CC2D2A: variants seen among roughly 807,000 people sequenced by gnomAD.
CC2D2A encodes the protein coiled-coil and C2 domain containing 2A.
A neutral mutation model predicts 212.9 loss-of-function variants in CC2D2A; 155 were observed. The observed-to-expected ratio is 0.73, with a 90% CI of 0.64 to 0.83. The LOEUF (loss-of-function observed/expected upper bound fraction) is 0.83. Among genes scored for constraint, CC2D2A ranks in the 40% least tolerant of loss-of-function variants. CC2D2A has a pLI of 0.00. For missense variants in CC2D2A, 1,856 were observed against 1,956.2 expected (o/e 0.95, Z 0.97); for synonymous variants, 667 against 686.5 (o/e 0.97, Z 0.44).
At chr4:15,510,108 G>T in intron 6 of CC2D2A, 31 bp from the exon 7 acceptor site, 1 of 1,536,264 alleles carries the variant, frequency 6.5e-7, no homozygotes, top group Middle Eastern at 1.7e-4. Context: ...GGGTTAAATG[G>T]TTTATCTATC....
At chr4:15,475,644 T>C (rs1577305186) in intron 1 of CC2D2A, among the ~76,000 whole-genome samples, 1 of 152,038 alleles carries the variant, frequency 6.6e-6, no homozygotes, top group African/African-American at 2.4e-5. Flanking sequence ...TGTAAAATGG[T>C]CCTTCTGGAG....
At chr4:15,506,598 T>C (rs769117636) in intron 6 of CC2D2A, among the ~76,000 whole-genome samples, 15 of 152,150 alleles carry the variant, frequency 9.9e-5, no homozygotes, top group Non-Finnish European at 1.8e-4. Context: ...GTTTTGTGTG[T>C]TTTCAAACAC....
chr4:15,509,863 T>C (rs1217483857), intron 6 of CC2D2A, among the ~76,000 whole-genome samples: 1 of 152,142 alleles, frequency 6.6e-6, no homozygotes, highest in Non-Finnish European at 1.5e-5. Flanking sequence ...TGTAACACAA[T>C]GGTAAGTATT....
At chr4:15,496,803 C>T (rs887019679) in intron 4 of CC2D2A, among the ~76,000 whole-genome samples, 1 of 152,164 alleles carries the variant, frequency 6.6e-6, no homozygotes, top group Non-Finnish European at 1.5e-5. Context: ...AGAATGCAAT[C>T]CCATTCACAA....
chr4:15,587,118 G>A (rs763995987), intron 31 of CC2D2A, among the ~76,000 whole-genome samples: 66 of 152,260 alleles, frequency 4.3e-4, no homozygotes, highest in South Asian at 2.3e-3. Context: ...GGATGGTTTC[G>A]GAATGAAACT....
chr4:15,589,593 T>A lies in CC2D2A; in HGVS notation c.4228T>A (p.Trp1410Arg). The A allele has an allele frequency of 6.2e-7, 1 of 1,613,050 alleles. No homozygotes were observed. Among genetic ancestry groups the A allele is most frequent in the South Asian group, 1.1e-5 (1 of 90,976 alleles). Residue 1410 changes from tryptophan (W) to arginine (R), a missense_variant, in exon 33 of 37, where the codon TGG becomes AGG. Physicochemically the swap from Trp to Arg is moderately radical, Grantham distance 101. This residue lies in a region of CC2D2A where 285 missense variants were observed against 278.4 expected (regional missense o/e 1.02). Transcript: ENST00000424120. ...LTWEQGRYLI[W>R]NPCSGHFYGQ... is the part of the protein sequence containing the mutation. ...TTGGGAGCAAGGTCGTTATTTAATA[T>A]GGAATCCCTGCAGTGGACATTTTTA...
At chr4:15,482,416 A>T (rs1714734482) in intron 4 of CC2D2A, 1 of 551,008 alleles carries the variant, frequency 1.8e-6, no homozygotes, top group Non-Finnish European at 2.3e-6. Flanking sequence ...AAGGCTGGAC[A>T]TCTGAGATCA....
rs982489249 is a variant in CC2D2A at position 15,593,741 on chromosome 4, G to A, written c.4315-2344G>A. Among the ~76,000 whole-genome samples the A allele has an allele frequency of 2.0e-5, 3 of 152,088 alleles. No homozygotes were observed. The East Asian group carries it at 5.8e-4, about 29-fold the overall frequency. On this transcript the variant is annotated intron_variant, in intron 33 of 36. Coordinates refer to ENST00000424120, the MANE Select transcript of CC2D2A (RefSeq NM_001378615.1). ...AAATCCTACTGGTTCCACCTTCACAGTATACCCAGCGTCCAACCACATCTC... is the reference window on the plus strand; with the variant it reads ...AAATCCTACTGGTTCCACCTTCACAATATACCCAGCGTCCAACCACATCTC...
chr4:15,512,908 C>T (rs999362410), intron 8 of CC2D2A, among the ~76,000 whole-genome samples: 1 of 150,330 alleles, frequency 6.7e-6, no homozygotes, highest in African/African-American at 2.5e-5. Flanking sequence ...GCCGAGATTG[C>T]GCTATTGCAC....
At chr4:15,514,982 T>A in intron 9 of CC2D2A, 113 bp downstream of exon 9, 10 of 869,084 alleles carry the variant, frequency 1.2e-5, no homozygotes, top group Non-Finnish European at 1.4e-5. Flanking sequence ...CAGTTTCTAA[T>A]CTAACAATCA....
At chr4:15,488,034 T>C (rs1715101387) in intron 4 of CC2D2A, among the ~76,000 whole-genome samples, 1 of 152,072 alleles carries the variant, frequency 6.6e-6, no homozygotes, top group Non-Finnish European at 1.5e-5. Context: ...ATTGTTGTAG[T>C]TATTATTTTT....
intron 27 of CC2D2A, 101 bp downstream of exon 27, chr4:15,569,490 T>C: frequency 1.5e-6 from 1 of 683,748 alleles, no homozygotes; most frequent in Non-Finnish European, 2.6e-6. Context: ...GGTCCCGATC[T>C]AGATCCTTTC....
chr4:15,533,578 T>C (rs1274611144), intron 14 of CC2D2A: 3 of 328,480 alleles, frequency 9.1e-6, no homozygotes, highest in Non-Finnish European at 1.7e-5. Context: ...TTGCCAACTA[T>C]GTGCAATCTC....
At chr4:15,510,501 T>A (rs969604415) in intron 7 of CC2D2A, among the ~76,000 whole-genome samples, 7 of 152,132 alleles carry the variant, frequency 4.6e-5, no homozygotes, top group Non-Finnish European at 1.0e-4. Flanking sequence ...GAGGCTGAGA[T>A]GGGAGGATCA....
intron 4 of CC2D2A, among the ~76,000 whole-genome samples, chr4:15,486,847 T>C (rs918467207): frequency 6.6e-6 from 1 of 152,156 alleles, no homozygotes. Context: ...ATATGTTGTG[T>C]TTCCATTTTC....
Position 15,540,843 on chromosome 4 carries a change from G to C in CC2D2A, c.2010G>C (p.Glu670Asp), listed in dbSNP as rs763596840. 6.3e-7 allele frequency: 1 copy of C among 1,597,830 alleles called. No individual in the cohort carries two copies. Among genetic ancestry groups the C allele is most frequent in the East Asian group, 2.3e-5 (1 of 44,354 alleles). Residue 670 changes from glutamate (E) to aspartate (D), a missense_variant, in exon 17 of 37, where the codon GAG becomes GAC. Coordinates refer to ENST00000424120, the MANE Select transcript of CC2D2A (RefSeq NM_001378615.1). ...VTPNDQCPRA[E>D]VSRREDVKKR... The stretch of plus-strand genomic sequence containing the variant: ...GAATGGTCTCCTTTTGCAGAGCGGA[G>C]GTCTCGAGAAGGGAGGATGTAAAGA...
chr4:15,579,375 A>G (rs1316472824), intron 29 of CC2D2A, among the ~76,000 whole-genome samples: 1 of 152,066 alleles, frequency 6.6e-6, no homozygotes, highest in African/African-American at 2.4e-5. Flanking sequence ...GGCTCAGAGA[A>G]CCAAGATGAG....
At chr4:15,597,529 C>A in intron 35 of CC2D2A, 64 bp downstream of exon 35, 2 of 1,225,922 alleles carry the variant, frequency 1.6e-6, no homozygotes, top group Non-Finnish European at 2.3e-6. Context: ...AAACTTTAAA[C>A]CACTGTCAGC....
At chr4:15,559,403 A>T in intron 22 of CC2D2A, 146 bp downstream of exon 22, 1 of 588,290 alleles carries the variant, frequency 1.7e-6, no homozygotes, top group Non-Finnish European at 3.0e-6. Flanking sequence ...CAAATATATA[A>T]TTGATTGACA....
Sources: gnomAD v4.1 joint callset for allele counts (sites outside exome capture counted in the v4.1 genomes callset) on GRCh38, gnomAD v4.1.1 for gene constraint, gnomAD v4.1.1 regional missense constraint, MANE v1.5 for transcripts, NCBI Gene and HGNC (gene_info 2026-07-23, HGNC 2026-07-21) for gene names.